SPTBN5: variants seen among roughly 807,000 people sequenced by gnomAD.
The protein encoded by SPTBN5 is spectrin beta, non-erythrocytic 5, also known as spectrin beta chain, non-erythrocytic 5.
A neutral mutation model predicts 477.6 loss-of-function variants in SPTBN5; 513 were observed. The ratio of observed to expected loss-of-function variants is 1.07; its 90% CI spans 1.00 to 1.16. The LOEUF is 1.16. Ranked by LOEUF, SPTBN5 falls within the 50% of genes most tolerant of loss-of-function variation. The pLI, the probability that SPTBN5 is intolerant of heterozygous loss-of-function variation, is 0.00. For missense variants in SPTBN5, 5,062 were observed against 4,731.8 expected (o/e 1.07, Z -2.05); for synonymous variants, 2,169 against 2,011.7 (o/e 1.08, Z -2.09).
intron 6 of SPTBN5, 126 bp from the exon 7 acceptor site, chr15:41,886,492 T>A: frequency 1.8e-6 from 2 of 1,109,344 alleles, no homozygotes; most frequent in Non-Finnish European, 2.5e-6. Flanking sequence ...TGCTTTGAAG[T>A]GGTGGTACCC....
intron 3 of SPTBN5, among the ~76,000 whole-genome samples, chr15:41,891,296 G>A (rs149437164): frequency 4.6e-4 from 70 of 152,294 alleles, no homozygotes; most frequent in Non-Finnish European, 7.8e-4. Context: ...GGCTTCAGCC[G>A]GCCACTACTA....
chr15:41,888,963 T>C (rs575475247), intron 4 of SPTBN5, among the ~76,000 whole-genome samples: 5 of 152,216 alleles, frequency 3.3e-5, no homozygotes, highest in African/African-American at 1.2e-4. Context: ...CTAAGGAAAA[T>C]GCTGGGATGG....
At chr15:41,888,173 C>T in intron 4 of SPTBN5, 88 bp from the exon 5 acceptor site, 1 of 1,348,242 alleles carries the variant, frequency 7.4e-7, no homozygotes, top group Non-Finnish European at 1.0e-6. Flanking sequence ...AGGCTGGCCA[C>T]AGCAGGATCC....
chr15:41,874,564 G>A lies in SPTBN5; in HGVS notation c.4503-86C>T, dbSNP rs1021297897. ...TCTTTCCTTGGCCAAGCCAGGGCCCGTGAAGAACAAGACCAGGGAATAGAG... is the reference window on the plus strand; with the variant it reads ...TCTTTCCTTGGCCAAGCCAGGGCCCATGAAGAACAAGACCAGGGAATAGAG... On this transcript the variant is annotated intron_variant, in intron 23 of 67. Transcript: ENST00000320955. The A allele has an allele frequency of 1.3e-5, 16 of 1,187,174 alleles. No individual in the cohort carries two copies. The Admixed American group carries it at 2.2e-4, about 17-fold the overall frequency. The allele number at this position is 1,187,174 out of a possible 1,614,324, so 73.5% of individuals were successfully genotyped here. A position where few individuals can be genotyped will look rare whatever the true frequency, so the allele number is the denominator to read the frequency against.
At chr15:41,883,778 C>A (rs1177400969) in intron 7 of SPTBN5, among the ~76,000 whole-genome samples, 2 of 151,440 alleles carry the variant, frequency 1.3e-5, no homozygotes, top group Admixed American at 6.6e-5. Context: ...TCCTTCCAGG[C>A]GCCCAGACTA....
chr15:41,856,258 G>A, intron 53 of SPTBN5, 128 bp downstream of exon 53: 2 of 851,178 alleles, frequency 2.3e-6, no homozygotes, highest in Non-Finnish European at 3.5e-6. Flanking sequence ...GGAAGCCCTT[G>A]GGGGCAGGAG....
chr15:41,852,773 G>GGGT (rs1555460268), intron 60 of SPTBN5, 38 bp from the exon 61 acceptor site: 1 of 1,597,168 alleles, frequency 6.3e-7, no homozygotes, highest in Non-Finnish European at 8.5e-7. Flanking sequence ...CCAGCTTGGG[G>GGGT]GGGGGGGCCC....
intron 56 of SPTBN5, among the ~76,000 whole-genome samples, chr15:41,854,541 T>TG (rs1396648125): frequency 6.6e-6 from 1 of 151,766 alleles, no homozygotes; most frequent in Non-Finnish European, 1.5e-5. Flanking sequence ...GTGCCTCTCA[T>TG]GGGGCTGGGG....
intron 26 of SPTBN5, among the ~76,000 whole-genome samples, chr15:41,873,154 G>C (rs2066601142): frequency 6.6e-6 from 1 of 152,216 alleles, no homozygotes; most frequent in Non-Finnish European, 1.5e-5. Context: ...ACACCTGTGG[G>C]AGATGTGGAG....
chr15:41,852,769 T>TGGG (rs370153269), intron 60 of SPTBN5, 34 bp from the exon 61 acceptor site: 22,973 of 1,240,610 alleles, frequency 0.019, 140 homozygotes, highest in Non-Finnish European at 0.022. Context: ...ACGCCCAGCT[T>TGGG]GGGGGGGGGG....
chr15:41,883,693 G>A (rs2067055404), intron 7 of SPTBN5, among the ~76,000 whole-genome samples: 1 of 152,228 alleles, frequency 6.6e-6, no homozygotes, highest in African/African-American at 2.4e-5. Flanking sequence ...AAGCCAGAAG[G>A]AGGGCCTGGA....
In SPTBN5 at chr15:41,850,994, C is replaced by T. The variant is rs932065190; in HGVS notation, c.10836-55G>A. ...ACTGTCCCTTTGGGGACCCCCACGC[C>T]TCCAGCCCCCGCTGAGCCAGGTGGC... On this transcript the variant is annotated intron_variant, in intron 65 of 67. Coordinates refer to ENST00000320955, the MANE Select transcript of SPTBN5 (RefSeq NM_016642.4). 3.8e-6 allele frequency: 6 copies of T among 1,589,546 alleles called. No homozygotes were observed. The Admixed American group carries it at 7.1e-5, about 19-fold the overall frequency.
rs2065858300 is a variant in SPTBN5, at chr15:41,853,989, C to T, written c.9774+61G>A. ...TGGGGTGGGAGGGCTGAGATAGGTC[C>T]CCTCAGCCACCGCCTTCGGGCAGGG... On this transcript the variant is annotated intron_variant, in intron 57 of 67. Coordinates refer to ENST00000320955, the MANE Select transcript of SPTBN5 (RefSeq NM_016642.4). 3.3e-6 allele frequency: 5 copies of T among 1,504,922 alleles called. No homozygotes were observed. In the Admixed American group the frequency reaches 6.2e-5, roughly 19 times the overall value. 93.2% of individuals were successfully genotyped at this position (1,504,922 alleles called of 1,614,324 possible). A position where few individuals can be genotyped will look rare whatever the true frequency, so the allele number is the denominator to read the frequency against.
At position 41,853,660 on chromosome 15, in the gene SPTBN5, G is replaced by T; in HGVS notation, c.9902C>A (p.Ala3301Glu). 6.3e-7 allele frequency: 1 copy of T among 1,599,168 alleles called. No homozygotes were observed. The highest frequency in any genetic ancestry group is 8.5e-7 in the Non-Finnish European group (1 of 1,174,646). ...CCACTGGCCTCGCTCCTGGGCCTTC[G>T]CCTGCAGGGTGGCCCAGGCCTCCTG... ...KVQEAWATLQ[A>E]KAQERGQWLA... is the part of the protein sequence containing the mutation. Residue 3301 changes from alanine (A) to glutamate (E), a missense_variant, in exon 58 of 68, where the codon GCG becomes GAG. Ala to Glu is a moderately radical substitution (Grantham distance 107, BLOSUM62 -1). Transcript: ENST00000320955.
rs752613758 is a variant in SPTBN5, at chr15:41,866,087, AG to A, written c.6772del (p.Leu2258TrpfsTer19). The A allele has an allele frequency of 6.3e-5, 98 of 1,557,108 alleles. No individual in the cohort carries two copies. The highest frequency in any genetic ancestry group is 8.3e-5 in the Non-Finnish European group (95 of 1,150,960). ...AAGGTCCACTCTCTGCAGGAACTCC[AG>A]GAAGTTCCGCCTGTCCTCCAGCTCC... ...GQELEDRRNFLEFLQRVDLAE... is the reference protein window; with the variant it reads ...GQELEDRRNFXEFLQRVDLAE... On this transcript the variant is annotated frameshift_variant, in exon 38 of 68. Coordinates refer to ENST00000320955, the MANE Select transcript of SPTBN5 (RefSeq NM_016642.4). LOFTEE classifies it high-confidence loss of function.
At chr15:41,852,791 G>A (rs1480014107) in intron 60 of SPTBN5, 33 bp downstream of exon 60, 1 of 1,608,274 alleles carries the variant, frequency 6.2e-7, no homozygotes. Flanking sequence ...CCCAGAGCCT[G>A]GTAGCCAGCT....
rs1257825952 is a variant in SPTBN5, at chr15:41,854,872, T to G, written c.9528A>C (p.Ala3176=). ...RKLAGTLERG[A]PRRYPHIQAQ... ...CTTGGATGTGGGGATAGCGCCTGGGTGCACCCCGCTCCAGGGTGCCTGCCA... is the reference window on the plus strand; with the variant it reads ...CTTGGATGTGGGGATAGCGCCTGGGGGCACCCCGCTCCAGGGTGCCTGCCA... Residue 3176 remains alanine, a synonymous_variant, in exon 56 of 68, where the codon GCA becomes GCC. Transcript: ENST00000320955. 6.2e-7 allele frequency: 1 copy of G among 1,609,652 alleles called. No individual in the cohort carries two copies. The highest frequency in any genetic ancestry group is 8.5e-7 in the Non-Finnish European group (1 of 1,177,856).
At position 41,878,484 on chromosome 15, in the gene SPTBN5, C is replaced by G. The variant is rs375869454; in HGVS notation, c.3328G>C (p.Glu1110Gln). 2 of 1,613,302 alleles carry G rather than the reference C, an allele frequency of 1.2e-6. No homozygotes were observed. Among genetic ancestry groups the G allele is most frequent in the Non-Finnish European group, 1.7e-6 (2 of 1,179,830 alleles). ...ETQARQSFLQESQQLLLWAES... is the reference protein window; with the variant it reads ...ETQARQSFLQQSQQLLLWAES... ...GCCCACAGTAGCAGTTGCTGGCTCTCTTGCAGGAAGCTCTGCCGGGCCTGA... is the reference window on the plus strand; with the variant it reads ...GCCCACAGTAGCAGTTGCTGGCTCTGTTGCAGGAAGCTCTGCCGGGCCTGA... Residue 1110 changes from glutamate to glutamine, a missense_variant, in exon 17 of 68, where the codon GAG becomes CAG. Transcript: ENST00000320955.
intron 22 of SPTBN5, 120 bp from the exon 23 acceptor site, chr15:41,875,176 C>T (rs963283446): frequency 1.0e-6 from 1 of 989,640 alleles, no homozygotes; most frequent in African/African-American, 1.6e-5. Flanking sequence ...CTGTCCCCAC[C>T]ACTGCCAACC....
Sources: allele counts gnomAD v4.1 joint callset (sites outside exome capture counted in the v4.1 genomes callset), GRCh38; gene constraint gnomAD v4.1.1; transcripts MANE v1.5; gene names NCBI Gene and HGNC (gene_info 2026-07-23, HGNC 2026-07-21).